Variants in DLG3 observed in about 807,000 individuals in gnomAD.
DLG3 encodes the protein discs large MAGUK scaffold protein 3.
A neutral mutation model predicts 64.1 loss-of-function variants in DLG3; 1 was observed. The ratio of observed to expected loss-of-function variants is 0.02; its 90% CI spans 0.01 to 0.07. The LOEUF is 0.07. Among genes scored for constraint, DLG3 ranks in the 10% least tolerant of loss-of-function variants. DLG3 has a pLI of 1.00. For missense variants in DLG3, 429 were observed against 669.5 expected (o/e 0.64, Z 3.96); for synonymous variants, 245 against 259.8 (o/e 0.94, Z 0.55).
At chrX:70,466,380 T>G (rs1761249564) in intron 9 of DLG3, among the ~76,000 whole-genome samples, 1 of 108,472 alleles carries the variant, frequency 9.2e-6, no homozygotes, top group Non-Finnish European at 1.9e-5. Context: ...TTAATATGGT[T>G]AGAATATTAA....
At chrX:70,496,714 C>G (rs182452462) in intron 13 of DLG3, among the ~76,000 whole-genome samples, 1 of 112,563 alleles carries the variant, frequency 8.9e-6, no homozygotes, top group Admixed American at 9.4e-5. Context: ...TTAACCCATC[C>G]AGCGTTTGGC....
chrX:70,492,669 G>A, intron 12 of DLG3, 73 bp downstream of exon 12: 1 of 941,600 alleles, frequency 1.1e-6, no homozygotes, highest in South Asian at 2.0e-5. Flanking sequence ...AGTCTGATGT[G>A]TAGGAGAACT....
At chrX:70,464,959 C>T (rs1450332338) in intron 9 of DLG3, among the ~76,000 whole-genome samples, 1 of 111,920 alleles carries the variant, frequency 8.9e-6, no homozygotes, top group Non-Finnish European at 1.9e-5. Context: ...TATGATTTTT[C>T]TACTTGATGA....
At chrX:70,450,414 T>A (rs1202698615) in intron 5 of DLG3, 109 bp downstream of exon 5, 2 of 1,028,035 alleles carry the variant, frequency 1.9e-6, no homozygotes, top group African/African-American at 3.8e-5. Context: ...ATGGGGGAAT[T>A]TCAAGAGTTA....
At chrX:70,490,110 G>C (rs1331861082) in intron 10 of DLG3, among the ~76,000 whole-genome samples, 1 of 111,816 alleles carries the variant, frequency 8.9e-6, no homozygotes, top group East Asian at 2.8e-4. Flanking sequence ...TGATCTGCCT[G>C]CCTCAGCCTC....
chrX:70,480,669 C>T (rs2087137418), intron 10 of DLG3, among the ~76,000 whole-genome samples: 1 of 112,116 alleles, frequency 8.9e-6, no homozygotes, highest in African/African-American at 3.2e-5. Context: ...AATGCACTGT[C>T]GACCCCCCAA....
chrX:70,494,455 C>T (rs769987537), intron 12 of DLG3, among the ~76,000 whole-genome samples: 1 of 111,983 alleles, frequency 8.9e-6, no homozygotes, highest in African/African-American at 3.2e-5. Context: ...CAGCTTGGTC[C>T]ACAGTCATGG....
chrX:70,493,564 G>A, intron 12 of DLG3: 2 of 832,740 alleles, frequency 2.4e-6, no homozygotes, highest in East Asian at 6.8e-5. Flanking sequence ...AGCCTGGGCA[G>A]GGCCACGTGT....
rs140156457 is a variant in DLG3 at position 70,472,506 on chromosome X, G to C, written c.1406-6644G>C. On this transcript the variant is annotated intron_variant, in intron 9 of 18. Transcript: ENST00000374360. ...GGAGGCGGAGCTTGCAGTGAGCCGA[G>C]ATCACACCACTGCACTCCAGCCTGG... Among the ~76,000 whole-genome samples, 718 of 110,081 alleles carry C rather than the reference G, an allele frequency of 6.5e-3. 2 individuals are homozygous for C. Among genetic ancestry groups the C allele is most frequent in the South Asian group, 0.02 (50 of 2,518 alleles).
chrX:70,449,914 T>A, intron 4 of DLG3, 55 bp downstream of exon 4: 1 of 1,141,900 alleles, frequency 8.8e-7, no homozygotes. Context: ...CCAGATCCCA[T>A]CTTGCCCCAT....
intron 12 of DLG3, among the ~76,000 whole-genome samples, chrX:70,494,400 G>T (rs1237483538): frequency 8.9e-6 from 1 of 111,900 alleles, no homozygotes; most frequent in Non-Finnish European, 1.9e-5. Context: ...ATTGGGGCTG[G>T]CAGGAGACTG....
intron 9 of DLG3, 149 bp downstream of exon 9, chrX:70,454,465 G>T: frequency 1.9e-6 from 1 of 531,253 alleles, no homozygotes; most frequent in Admixed American, 2.9e-5. Flanking sequence ...TTCCTGCTGG[G>T]TAGGGGTTGG....
chrX:70,452,097 C>T, intron 7 of DLG3, 71 bp downstream of exon 7: 1 of 1,161,305 alleles, frequency 8.6e-7, no homozygotes, highest in Non-Finnish European at 1.2e-6. Context: ...CGTTTCTGGC[C>T]GGCCACAGGC....
At chrX:70,462,040 T>TCCCCCCCCCCCCC (rs540004723) in intron 9 of DLG3, among the ~76,000 whole-genome samples, 2 of 76,980 alleles carry the variant, frequency 2.6e-5, no homozygotes, top group Non-Finnish European at 5.0e-5. Flanking sequence ...TCACTCCTCA[T>TCCCCCCCCCCCCC]CCCCCCCCCA....
intron 9 of DLG3, among the ~76,000 whole-genome samples, chrX:70,454,658 G>T (rs1291668672): frequency 8.9e-6 from 1 of 112,001 alleles, no homozygotes; most frequent in Non-Finnish European, 1.9e-5. Flanking sequence ...GTGTGCCCTG[G>T]AAGAGGAGAG....
chrX:70,449,005 G>A (rs778294160), intron 2 of DLG3, 42 bp downstream of exon 2: 1 of 1,172,226 alleles, frequency 8.5e-7, no homozygotes, highest in East Asian at 3.0e-5. Context: ...GAAGGAGAGG[G>A]TTGGAGCCAG....
At chrX:70,493,312 A>G in intron 12 of DLG3, 1 of 1,037,677 alleles carries the variant, frequency 9.6e-7, no homozygotes, top group Non-Finnish European at 1.3e-6. Flanking sequence ...GCATGCTTTA[A>G]AATCCATTGT....
At chrX:70,454,412 C>G in intron 9 of DLG3, 96 bp downstream of exon 9, 1 of 729,135 alleles carries the variant, frequency 1.4e-6, no homozygotes, top group Non-Finnish European at 2.1e-6. Context: ...GCCACTTGAC[C>G]AGGTCCCTTC....
At position 70,502,959 on chromosome X, in the gene DLG3, G is replaced by C. The variant is rs2087592583; in HGVS notation, c.*690G>C. 9.0e-6 allele frequency: 1 copy of C among 110,775 alleles called. No individual in the cohort carries two copies. The highest frequency in any genetic ancestry group is 3.3e-5 in the African/African-American group (1 of 30,340). 9.1% of individuals were successfully genotyped at this position (110,775 alleles called of 1,213,427 possible). ...CAGATGGCATCTTCTATCCCAGCTG[G>C]TTGGGAAGGGATTGAAGATGGTAGC... On this transcript the variant is annotated 3_prime_UTR_variant, in exon 19 of 19. Coordinates refer to ENST00000374360, the MANE Select transcript of DLG3 (RefSeq NM_021120.4).
Sources: gnomAD v4.1 joint callset for allele counts (sites outside exome capture counted in the v4.1 genomes callset) on GRCh38, gnomAD v4.1.1 for gene constraint, MANE v1.5 for transcripts, NCBI Gene and HGNC (gene_info 2026-07-23, HGNC 2026-07-21) for gene names.